DOCK7: variants seen among roughly 807,000 people sequenced by gnomAD.
DOCK7 encodes dedicator of cytokinesis protein 7.
In DOCK7, 138 loss-of-function variants were observed where a neutral mutation model predicts 271.0. That is an observed-to-expected ratio of 0.51 (90% confidence interval 0.44 to 0.59). DOCK7 has a LOEUF of 0.59. Ranked by LOEUF, DOCK7 falls within the 20% of genes least tolerant of loss-of-function variation. The pLI, the probability that DOCK7 is intolerant of heterozygous loss-of-function variation, is 0.00. For synonymous variants in DOCK7, 823 were observed against 876.1 expected (o/e 0.94, Z 1.07); for missense variants, 2,066 against 2,592.4 (o/e 0.80, Z 4.41).
rs1034469813 is a variant in DOCK7, at chr1:62,499,266, C to T, written c.4765-2769G>A. Among the ~76,000 whole-genome samples, 23 of 152,168 alleles carry T rather than the reference C, an allele frequency of 1.5e-4. 1 individual carries two copies. Among genetic ancestry groups the T allele is most frequent in the Admixed American group, 1.4e-3 (21 of 15,290 alleles). The stretch of plus-strand genomic sequence containing the variant: ...AAACAAAGTAAGATCAATAAAGTAA[C>T]CATATTCTTCTATTCTGGGTTAAGA... On this transcript the variant is annotated intron_variant, in intron 37 of 49. Transcript: ENST00000635253.
chr1:62,638,573 A>ATT (rs1250531281), intron 7 of DOCK7, among the ~76,000 whole-genome samples: 2 of 146,456 alleles, frequency 1.4e-5, no homozygotes, highest in Admixed American at 6.8e-5. Flanking sequence ...ATGAATATAT[A>ATT]TTTTCATGAA....
chr1:62,511,609 A>C lies in DOCK7; in HGVS notation c.4283-936T>G, dbSNP rs1644485903. ...AACTATACATATGTCAATTAAAGAA[A>C]TACAAAAAATACTGAGAAATAAGAA... is the stretch of plus-strand genomic sequence containing the variant. On this transcript the variant is annotated intron_variant, in intron 33 of 49. Coordinates refer to ENST00000635253, the MANE Select transcript of DOCK7 (RefSeq NM_001367561.1). Among the ~76,000 whole-genome samples the C allele has an allele frequency of 2.0e-5, 3 of 152,276 alleles. No individual in the cohort carries two copies. In the South Asian group the frequency reaches 6.2e-4, roughly 32 times the overall value.
chr1:62,477,162 T>C (rs1645991008), intron 44 of DOCK7: 1 of 152,188 alleles, frequency 6.6e-6, no homozygotes, highest in Non-Finnish European at 1.5e-5. Context: ...AAAGAATAAC[T>C]ATAACAGAAA....
At chr1:62,576,976 T>A (rs1363469133) in intron 18 of DOCK7, among the ~76,000 whole-genome samples, 2 of 152,210 alleles carry the variant, frequency 1.3e-5, no homozygotes, top group African/African-American at 4.8e-5. Flanking sequence ...AGTTACAGTA[T>A]GAAAATTCTC....
intron 11 of DOCK7, among the ~76,000 whole-genome samples, chr1:62,630,110 G>C (rs140341595): frequency 1.3e-5 from 2 of 152,080 alleles, no homozygotes; most frequent in Admixed American, 1.3e-4. Flanking sequence ...TCGGAGTTCC[G>C]AGCTAAGGAA....
intron 31 of DOCK7, among the ~76,000 whole-genome samples, chr1:62,518,346 T>A (rs997740941): frequency 2.0e-5 from 3 of 151,808 alleles, no homozygotes; most frequent in Admixed American, 2.0e-4. Context: ...TTGAGGTGGG[T>A]GGATCACGAG....
chr1:62,677,139 G>A (rs1244661451), intron 1 of DOCK7, among the ~76,000 whole-genome samples: 2 of 152,218 alleles, frequency 1.3e-5, no homozygotes, highest in Non-Finnish European at 2.9e-5. Context: ...GCTATGAACA[G>A]TACTCTTATC....
intron 22 of DOCK7, among the ~76,000 whole-genome samples, chr1:62,550,711 T>C (rs1001644417): frequency 2.3e-5 from 3 of 129,990 alleles, no homozygotes; most frequent in African/African-American, 5.2e-5. Flanking sequence ...TTGATTATAA[T>C]GGGAGTAATT....
chr1:62,645,940 G>T (rs2149673064), intron 7 of DOCK7, among the ~76,000 whole-genome samples: 1 of 152,182 alleles, frequency 6.6e-6, no homozygotes, highest in South Asian at 2.1e-4. Context: ...GAGGTCAGGA[G>T]ATCGAGACCA....
chr1:62,552,067 C>T (rs1645924687), intron 22 of DOCK7, among the ~76,000 whole-genome samples: 1 of 152,044 alleles, frequency 6.6e-6, no homozygotes, highest in Admixed American at 6.6e-5. Context: ...AAAAATCAAA[C>T]TTATTCTACT....
intron 18 of DOCK7, among the ~76,000 whole-genome samples, chr1:62,574,069 C>A (rs1296485540): frequency 1.3e-5 from 2 of 152,114 alleles, no homozygotes; most frequent in Non-Finnish European, 2.9e-5. Context: ...ATGCCACTGG[C>A]CACCCAGAAC....
At chr1:62,577,948 G>A (rs1429588310) in intron 17 of DOCK7, among the ~76,000 whole-genome samples, 6 of 150,516 alleles carry the variant, frequency 4.0e-5, no homozygotes, top group African/African-American at 1.2e-4. Flanking sequence ...TTTGAGACAA[G>A]AGTCTCACTC....
intron 43 of DOCK7, chr1:62,478,202 G>C (rs960069432): frequency 3.7e-5 from 6 of 160,588 alleles, no homozygotes; most frequent in African/African-American, 1.4e-4. Flanking sequence ...ACTGATACTA[G>C]AGCATACTAG....
At position 62,686,065 on chromosome 1, in the gene DOCK7, A is replaced by T. The variant is rs114265104; in HGVS notation, c.38+2162T>A. On this transcript the variant is annotated intron_variant, in intron 1 of 49. Coordinates refer to ENST00000635253, the MANE Select transcript of DOCK7 (RefSeq NM_001367561.1). ...TACAATTTCATATCCAACTCTCTAAAGTGCACTTACTTTATCAGCATGATG... is the reference window on the plus strand; with the variant it reads ...TACAATTTCATATCCAACTCTCTAATGTGCACTTACTTTATCAGCATGATG... 5.9e-3 allele frequency among the ~76,000 whole-genome samples: 899 copies of T among 152,296 alleles called. 7 individuals carry two copies. The highest frequency in any genetic ancestry group is 0.02 in the African/African-American group (848 of 41,544).
chr1:62,532,780 C>T (rs1384698847), intron 29 of DOCK7, among the ~76,000 whole-genome samples: 1 of 152,136 alleles, frequency 6.6e-6, no homozygotes, highest in Non-Finnish European at 1.5e-5. Context: ...GAGAAAAATC[C>T]AAGTGCAAAG....
chr1:62,520,364 C>T (rs1309676238), intron 31 of DOCK7, among the ~76,000 whole-genome samples: 1 of 151,934 alleles, frequency 6.6e-6, no homozygotes, highest in Non-Finnish European at 1.5e-5. Context: ...TGACAAAGGG[C>T]TAATATCCAG....
At position 62,495,636 on chromosome 1, in the gene DOCK7, C is replaced by T. The variant is rs1372661814; in HGVS notation, c.4969G>A (p.Val1657Met). The change falls in exon 39 of 50, where the codon GTG (valine) becomes ATG (methionine). Residue 1657 changes from valine to methionine, a missense_variant. Physicochemically the swap from Val to Met is conservative, Grantham distance 21. This residue lies in a region of DOCK7 where 652 missense variants were observed against 922.1 expected (regional missense o/e 0.71). Transcript: ENST00000635253. The stretch of plus-strand genomic sequence containing the variant: ...TCCTCCTGGTGTTCCTTCATTTTCA[C>T]AGTATCAGAAAGAATCATATGGAGA... ...FNLHMILSDT[V>M]KMKEHQEDPE... 6.3e-7 allele frequency: 1 copy of T among 1,589,950 alleles called. No homozygotes were observed. The highest frequency in any genetic ancestry group is 8.5e-7 in the Non-Finnish European group (1 of 1,174,228).
chr1:62,652,421 T>C (rs1156313408), intron 4 of DOCK7, among the ~76,000 whole-genome samples: 1 of 152,126 alleles, frequency 6.6e-6, no homozygotes, highest in African/African-American at 2.4e-5. Context: ...GGCTTTAGAA[T>C]CTGATGCCCC....
At chr1:62,602,031 T>C (rs1289373768) in intron 14 of DOCK7, 3 of 615,278 alleles carry the variant, frequency 4.9e-6, no homozygotes, top group Admixed American at 5.9e-5. Flanking sequence ...ACCTTGTTTA[T>C]GTATTTACTC....
Sources: allele counts gnomAD v4.1 joint callset (sites outside exome capture counted in the v4.1 genomes callset), GRCh38; gene constraint gnomAD v4.1.1; regional missense constraint gnomAD v4.1.1; transcripts MANE v1.5; gene names NCBI Gene and HGNC (gene_info 2026-07-23, HGNC 2026-07-21).